Variants in TEP1 observed in about 807,000 individuals in gnomAD.
The protein encoded by TEP1 is telomerase associated protein 1.
A neutral mutation model predicts 306.3 loss-of-function variants in TEP1; 241 were observed. That is an observed-to-expected ratio of 0.79 (90% CI 0.71 to 0.88). The LOEUF (loss-of-function observed/expected upper bound fraction) is 0.88. Ranked by LOEUF, TEP1 falls within the 40% of genes least tolerant of loss-of-function variation. The pLI, the probability that TEP1 is intolerant of heterozygous loss-of-function variation, is 0.00. For synonymous variants in TEP1, 1,289 were observed against 1,305.5 expected (o/e 0.99, Z 0.27); for missense variants, 3,051 against 3,276.1 (o/e 0.93, Z 1.68).
Position 20,384,892 on chromosome 14 carries a change from A to C in TEP1, c.3107+93T>G, listed in dbSNP as rs1594344148. ...CTGAGTCCTGTTTCTGCCTCATAGC[A>C]CTCCCCTTCTATACTCTGAATACTG... On this transcript the variant is annotated intron_variant, in intron 21 of 54. Transcript: ENST00000262715. 24 of 1,578,394 alleles carry C rather than the reference A, an allele frequency of 1.5e-5. No homozygotes were observed. In the East Asian group the frequency reaches 5.5e-4, roughly 36 times the overall value.
rs1284060041 is a variant in TEP1 at position 20,390,688 on chromosome 14, C to T, written c.2327G>A (p.Arg776Lys). 3 of 1,614,034 alleles carry T rather than the reference C, an allele frequency of 1.9e-6. No individual in the cohort carries two copies. The South Asian group carries it at 3.3e-5, about 18-fold the overall frequency. Reference protein sequence around the residue: ...GKYLLSLAGQRVPVDRVILLG... With the variant: ...GKYLLSLAGQKVPVDRVILLG... ...TCAGGGATTAATACTCACAGGAACC[C>T]TTTGGCCAGCCAGAGACAGCAGGTA... The change falls in exon 15 of 55, where the codon AGG becomes AAG. Residue 776 changes from arginine (R) to lysine (K), a missense_variant. Transcript: ENST00000262715.
At chr14:20,395,767 T>C in intron 11 of TEP1, 92 bp downstream of exon 11, 1 of 1,518,856 alleles carries the variant, frequency 6.6e-7, no homozygotes, top group South Asian at 1.2e-5. Context: ...ACCCTGAGAC[T>C]GCAAAGCAAG....
intron 54 of TEP1, 34 bp downstream of exon 54, chr14:20,368,764 G>GCACGCACACACA: frequency 7.4e-7 from 1 of 1,343,574 alleles, no homozygotes; most frequent in Admixed American, 1.8e-5. Context: ...GCAGGCGCAC[G>GCACGCACACACA]CACACACACA....
chr14:20,401,412 A>C, intron 8 of TEP1, 45 bp downstream of exon 8: 1 of 1,608,448 alleles, frequency 6.2e-7, no homozygotes, highest in Non-Finnish European at 8.5e-7. Context: ...TGAAAAGTTA[A>C]GGAATTACTT....
In TEP1 at chr14:20,389,709, A is replaced by C; in HGVS notation, c.2366T>G (p.Met789Arg). Residue 789 changes from methionine (M) to arginine (R), a missense_variant, in exon 16 of 55, where the codon ATG becomes AGG. Met to Arg is a moderately conservative substitution (Grantham distance 91). Transcript: ENST00000262715. Reference protein sequence around the residue: ...VDRVILLGQSMDDGMINVAKQ... With the variant: ...VDRVILLGQSRDDGMINVAKQ... ...GGCCACATTTATCATTCCATCATCC[A>C]TGCTTTGGCCAAGGAGGATGACCCT... is the stretch of plus-strand genomic sequence containing the variant. The C allele has an allele frequency of 2.5e-6, 4 of 1,614,220 alleles. No individual in the cohort carries two copies. Among genetic ancestry groups the C allele is most frequent in the Non-Finnish European group, 3.4e-6 (4 of 1,180,032 alleles).
chr14:20,383,680 GAAAA>G (rs112044157), intron 25 of TEP1, 36 bp from the exon 26 acceptor site: 1 of 1,601,870 alleles, frequency 6.2e-7, no homozygotes, highest in Non-Finnish European at 8.5e-7. Flanking sequence ...CAGTGGGAGA[GAAAA>G]AAAAAGCAGG....
intron 1 of TEP1, among the ~76,000 whole-genome samples, chr14:20,408,699 GGC>G (rs1250522103): frequency 6.6e-6 from 1 of 152,138 alleles, no homozygotes; most frequent in Non-Finnish European, 1.5e-5. Context: ...CAGGTGCAGT[GGC>G]TCATGCCTGT....
chr14:20,378,345 G>C (rs1415296062), intron 38 of TEP1, 35 bp downstream of exon 38: 2 of 1,613,516 alleles, frequency 1.2e-6, no homozygotes, highest in Non-Finnish European at 1.7e-6. Flanking sequence ...CTGTCCTCCT[G>C]TGCTTCCCCC....
In TEP1 at chr14:20,378,184, C is replaced by G. The variant is rs563213330; in HGVS notation, c.5561G>C (p.Gly1854Ala). The G allele has an allele frequency of 1.2e-6, 2 of 1,613,744 alleles. No individual in the cohort carries two copies. Among genetic ancestry groups the G allele is most frequent in the African/African-American group, 1.3e-5 (1 of 74,918 alleles). ...CAGCCGGCCCACAGCCACAACCCCC[C>G]CAGGCACATTGAAGGCCAAGGTACG... ...SIRTLAFNVP[G>A]GVVAVGRLDS... Residue 1854 changes from glycine to alanine, a missense_variant, in exon 39 of 55, where the codon GGG (glycine) becomes GCG (alanine). Around this residue, in one of 3 missense-constraint regions of TEP1, gnomAD observed 1,540 missense variants for 1,705.9 expected, o/e 0.90. Transcript: ENST00000262715.
rs1878119864 is a variant in TEP1 at position 20,395,487 on chromosome 14, G to A, written c.1891C>T (p.Gln631Ter). 1 of 1,610,548 alleles carries A rather than the reference G, an allele frequency of 6.2e-7. No individual in the cohort carries two copies. Among genetic ancestry groups the A allele is most frequent in the Non-Finnish European group, 8.5e-7 (1 of 1,177,446 alleles). Residue 631 changes from glutamine (Q) to a stop codon, truncating the protein, a stop_gained, in exon 12 of 55, where the codon CAG becomes TAG. Coordinates refer to ENST00000262715, the MANE Select transcript of TEP1 (RefSeq NM_007110.5). LOFTEE classifies it high-confidence loss of function. Reference protein sequence around the residue: ...MAMRIPVLYEQLKREKLRVHK... With the variant: ...MAMRIPVLYE ...ACTCTCAGCTTCTCCCTCTTGAGCT[G>A]CTCATACAACACAGGTATCCTCATT... is the stretch of plus-strand genomic sequence containing the variant.
At chr14:20,369,918 A>AGGTCTTTT (rs1566436427) in intron 51 of TEP1, 139 bp from the exon 52 acceptor site, 1 of 513,278 alleles carries the variant, frequency 1.9e-6, no homozygotes, top group East Asian at 3.5e-5. Context: ...AAGTGCGCAA[A>AGGTCTTTT]TTTTTTTTTT....
chr14:20,402,554 T>A (rs939868359), intron 7 of TEP1, among the ~76,000 whole-genome samples: 4 of 152,204 alleles, frequency 2.6e-5, no homozygotes, highest in Non-Finnish European at 4.4e-5. Flanking sequence ...TATAGTAACT[T>A]ATTTAATCTT....
chr14:20,409,795 C>A (rs1012771938), intron 1 of TEP1, among the ~76,000 whole-genome samples: 1 of 151,746 alleles, frequency 6.6e-6, no homozygotes, highest in Admixed American at 6.6e-5. Flanking sequence ...CCGAGGCGGG[C>A]GGATCACAAG....
In TEP1 at chr14:20,369,559, C is replaced by G; in HGVS notation, c.7441G>C (p.Ala2481Pro). 1 of 1,613,506 alleles carries G rather than the reference C, an allele frequency of 6.2e-7. No individual in the cohort carries two copies. The highest frequency in any genetic ancestry group is 8.5e-7 in the Non-Finnish European group (1 of 1,179,872). Reference protein sequence around the residue: ...KPESESSFLCASSDGILWNLA... With the variant: ...KPESESSFLCPSSDGILWNLA... ...TTCCATAGGATCCCATCAGAGCTGG[C>G]ACACAAAAATGAGGACTCTGCCATT... Residue 2481 changes from alanine (A) to proline (P), a missense_variant, in exon 53 of 55, where the codon GCC becomes CCC. Coordinates refer to ENST00000262715, the MANE Select transcript of TEP1 (RefSeq NM_007110.5).
At chr14:20,396,904 G>C (rs769009869) in intron 9 of TEP1, among the ~76,000 whole-genome samples, 174 bp from the exon 10 acceptor site, 1 of 151,026 alleles carries the variant, frequency 6.6e-6, no homozygotes, top group Non-Finnish European at 1.5e-5. Context: ...AAAAAAAAAA[G>C]CAAATGAGGG....
rs766220012 is a variant in TEP1, at chr14:20,378,233, G to A, written c.5512C>T (p.Leu1838=). 5.0e-6 allele frequency: 8 copies of A among 1,613,126 alleles called. No individual in the cohort carries two copies. In the African/African-American group the frequency reaches 8.0e-5, roughly 16 times the overall value. Residue 1838 remains leucine, a synonymous_variant, in exon 39 of 55, where the codon CTG becomes TTG. Transcript: ENST00000262715. ...CGGATAGAGGCTCCGGGTGCCCCCA[G>A]GTCCTACACAGGGAGGTAGAAATGG... ...QVDGLKVTKD[L]GAPGASIRTL...
chr14:20,404,301 G>T (rs1261663935), intron 5 of TEP1, among the ~76,000 whole-genome samples: 5 of 148,176 alleles, frequency 3.4e-5, no homozygotes, highest in Admixed American at 6.8e-5. Flanking sequence ...GTTGCAGTGA[G>T]CCGAGATCAC....
intron 47 of TEP1, 26 bp downstream of exon 47, chr14:20,373,244 C>A: frequency 1.2e-6 from 2 of 1,613,050 alleles, no homozygotes; most frequent in South Asian, 2.2e-5. Context: ...AGTAACACAC[C>A]CTGTCTCTCT....
In TEP1 at chr14:20,383,454, T is replaced by A. The variant is rs368691183; in HGVS notation, c.3867+34A>T. ...GCCGTATCCCTCCTTCTCCCCAGCCTGCCTCCCGACACCCACCTCCTTCTC... is the reference window on the plus strand; with the variant it reads ...GCCGTATCCCTCCTTCTCCCCAGCCAGCCTCCCGACACCCACCTCCTTCTC... On this transcript the variant is annotated intron_variant, in intron 26 of 54. Coordinates refer to ENST00000262715, the MANE Select transcript of TEP1 (RefSeq NM_007110.5). 3 of 1,613,710 alleles carry A rather than the reference T, an allele frequency of 1.9e-6. No individual in the cohort carries two copies. The East Asian group carries it at 6.7e-5, about 36-fold the overall frequency.
Sources: gnomAD v4.1 joint callset for allele counts (sites outside exome capture counted in the v4.1 genomes callset) on GRCh38, gnomAD v4.1.1 for gene constraint, gnomAD v4.1.1 regional missense constraint, MANE v1.5 for transcripts, NCBI Gene and HGNC (gene_info 2026-07-23, HGNC 2026-07-21) for gene names.